Variants in GRPR observed in about 807,000 individuals in gnomAD.
GRPR encodes the protein gastrin releasing peptide receptor.
Under a neutral mutation model 15.6 loss-of-function variants are expected in GRPR, and 4 were observed. That is an observed-to-expected ratio of 0.26 (90% CI 0.13 to 0.59). The LOEUF is 0.59. GRPR is among the 20% of genes least tolerant of loss of function. GRPR has a pLI of 0.90. For missense variants in GRPR, 270 were observed against 304.1 expected (o/e 0.89, Z 0.83); for synonymous variants, 128 against 126.8 (o/e 1.01, Z -0.06).
intron 1 of GRPR, among the ~76,000 whole-genome samples, chrX:16,140,950 T>C (rs1922522733): frequency 1.8e-5 from 2 of 112,121 alleles, no homozygotes; most frequent in Admixed American, 1.9e-4. Context: ...TGTATCTTCT[T>C]TGCTACGCAG....
At chrX:16,139,875 G>A (rs1256462445) in intron 1 of GRPR, among the ~76,000 whole-genome samples, 1 of 112,431 alleles carries the variant, frequency 8.9e-6, no homozygotes, top group Non-Finnish European at 1.9e-5. Context: ...TTATGTAGGG[G>A]CAGAGGGAAA....
At chrX:16,146,130 C>T (rs1197046028) in intron 1 of GRPR, among the ~76,000 whole-genome samples, 1 of 111,874 alleles carries the variant, frequency 8.9e-6, no homozygotes, top group African/African-American at 3.3e-5. Context: ...GTGGACAGCT[C>T]TTTCTTTCAG....
rs1416779839 is a variant in GRPR, at chrX:16,123,788, CAG to C, written c.-161_-160del. On this transcript the variant is annotated 5_prime_UTR_variant, in exon 1 of 3. Coordinates refer to ENST00000380289, the MANE Select transcript of GRPR (RefSeq NM_005314.3). ...AGCAGCACCAGTGTCAAAATAGTGA[CAG>C]AGAGTTTTGAATACCATAGTTAGTA... 6.9e-5 allele frequency: 34 copies of C among 495,160 alleles called. No homozygotes were observed. The East Asian group carries it at 1.0e-3, about 15-fold the overall frequency. The allele number at this position is 495,160 out of a possible 1,213,427, so 40.8% of individuals were successfully genotyped here. A position where few individuals can be genotyped will look rare whatever the true frequency, so the allele number is the denominator to read the frequency against.
chrX:16,127,423 C>A (rs986471309), intron 1 of GRPR, among the ~76,000 whole-genome samples: 11 of 111,637 alleles, frequency 9.9e-5, no homozygotes, highest in African/African-American at 2.9e-4. Context: ...TTGCATTCAA[C>A]CACCTTCAAT....
chrX:16,151,549 C>G (rs1039963688), intron 2 of GRPR, among the ~76,000 whole-genome samples: 1 of 111,594 alleles, frequency 9.0e-6, no homozygotes, highest in Non-Finnish European at 1.9e-5. Context: ...ATGAAACTAC[C>G]TTCCTACTTG....
At chrX:16,131,864 C>G (rs767280528) in intron 1 of GRPR, among the ~76,000 whole-genome samples, 5 of 112,387 alleles carry the variant, frequency 4.4e-5, no homozygotes, top group Admixed American at 2.8e-4. Flanking sequence ...ATGAATAAAT[C>G]TGCCATAAAC....
chrX:16,152,161 C>A, intron 2 of GRPR, 95 bp from the exon 3 acceptor site: 1 of 799,130 alleles, frequency 1.3e-6, no homozygotes, highest in Non-Finnish European at 1.9e-6. Flanking sequence ...ATTGTTTTTC[C>A]CTTTCTCTTT....
intron 1 of GRPR, among the ~76,000 whole-genome samples, chrX:16,127,554 C>T (rs1922312475): frequency 9.0e-6 from 1 of 111,200 alleles, no homozygotes; most frequent in African/African-American, 3.3e-5. Flanking sequence ...TGCTGTGTCC[C>T]ACCCGCTCTC....
intron 1 of GRPR, among the ~76,000 whole-genome samples, chrX:16,130,082 TTGA>T (rs1378777375): frequency 8.9e-5 from 10 of 112,156 alleles, no homozygotes; most frequent in Non-Finnish European, 1.7e-4. Context: ...TTGGCTTTCA[TTGA>T]TTTTTTTTCC....
intron 1 of GRPR, among the ~76,000 whole-genome samples, chrX:16,129,100 C>T (rs1922339571): frequency 8.9e-6 from 1 of 112,069 alleles, no homozygotes; most frequent in Non-Finnish European, 1.9e-5. Context: ...ATGGATATGG[C>T]GGTTCCACTG....
intron 1 of GRPR, among the ~76,000 whole-genome samples, chrX:16,144,428 A>G (rs768633438): frequency 8.9e-6 from 1 of 112,202 alleles, no homozygotes; most frequent in South Asian, 3.7e-4. Context: ...TCCACATAGT[A>G]TACATTAGGA....
intron 1 of GRPR, among the ~76,000 whole-genome samples, chrX:16,135,377 T>C (rs1922433241): frequency 1.8e-5 from 2 of 112,485 alleles, no homozygotes; most frequent in Admixed American, 9.4e-5. Flanking sequence ...TCTTTCTTTG[T>C]CTTCTTTCTC....
At chrX:16,126,040 T>C (rs1239694076) in intron 1 of GRPR, among the ~76,000 whole-genome samples, 1 of 111,620 alleles carries the variant, frequency 9.0e-6, no homozygotes, top group Non-Finnish European at 1.9e-5. Flanking sequence ...AGTGAGGGCA[T>C]GAACTGTAAA....
At chrX:16,150,826 A>G (rs1287988614) in intron 2 of GRPR, among the ~76,000 whole-genome samples, 170 bp downstream of exon 2, 1 of 112,339 alleles carries the variant, frequency 8.9e-6, no homozygotes, top group Non-Finnish European at 1.9e-5. Context: ...GGTGTTCTTT[A>G]TAGTCTTATT....
intron 1 of GRPR, among the ~76,000 whole-genome samples, chrX:16,133,459 G>A (rs374638079): frequency 2.1e-4 from 23 of 110,962 alleles, no homozygotes; most frequent in South Asian, 3.8e-4. Context: ...TTTAGATTCC[G>A]TTTATTTACC....
chrX:16,132,362 G>A (rs1360955670), intron 1 of GRPR, among the ~76,000 whole-genome samples: 3 of 112,033 alleles, frequency 2.7e-5, no homozygotes, highest in Non-Finnish European at 5.7e-5. Context: ...AAATTAGGGA[G>A]AGAAGTGGAT....
intron 1 of GRPR, among the ~76,000 whole-genome samples, chrX:16,144,589 G>A (rs1353791410): frequency 8.9e-6 from 1 of 111,862 alleles, no homozygotes; most frequent in Non-Finnish European, 1.9e-5. Context: ...GTGGGCAAAG[G>A]TTTCCAACCC....
intron 1 of GRPR, among the ~76,000 whole-genome samples, chrX:16,134,926 A>G (rs1313710516): frequency 2.7e-5 from 3 of 111,287 alleles, no homozygotes; most frequent in Non-Finnish European, 3.8e-5. Context: ...TCCTTCCAGG[A>G]GAGTTTGCCA....
At chrX:16,149,790 A>G (rs972718404) in intron 1 of GRPR, among the ~76,000 whole-genome samples, 5 of 111,021 alleles carry the variant, frequency 4.5e-5, no homozygotes, top group Non-Finnish European at 7.5e-5. Flanking sequence ...AAATCAAGAG[A>G]GAGTGTGAAT....
Sources: allele counts gnomAD v4.1 joint callset (sites outside exome capture counted in the v4.1 genomes callset), GRCh38; gene constraint gnomAD v4.1.1; transcripts MANE v1.5; gene names NCBI Gene and HGNC (gene_info 2026-07-23, HGNC 2026-07-21).